The following LRP1B variants were observed in gnomAD, a reference collection of about 807,000 sequenced individuals.
LRP1B encodes the protein LDL receptor related protein 1B.
LRP1B carries 217 observed loss-of-function variants against 556.6 expected under a neutral mutation model. The observed-to-expected ratio is 0.39, with a 90% CI of 0.35 to 0.44. The LOEUF (loss-of-function observed/expected upper bound fraction) is 0.44, where lower values mean the gene tolerates loss of function less well. Among genes scored for constraint, LRP1B ranks in the 20% least tolerant of loss-of-function variants. The pLI is 1.00. For missense variants in LRP1B, 5,053 were observed against 5,620.8 expected (o/e 0.90, Z 3.23); for synonymous variants, 2,047 against 1,865.8 (o/e 1.10, Z -2.50).
chr2:140,853,220 C>A (rs1559157292), intron 27 of LRP1B, among the ~76,000 whole-genome samples: 1 of 152,032 alleles, frequency 6.6e-6, no homozygotes, highest in Non-Finnish European at 1.5e-5. Flanking sequence ...CTTCCTAAGC[C>A]CTGAGGAAAG....
intron 1 of LRP1B, among the ~76,000 whole-genome samples, chr2:141,912,637 A>T (rs528819619): frequency 6.6e-6 from 1 of 152,186 alleles, no homozygotes; most frequent in African/African-American, 2.4e-5. Flanking sequence ...TGGTATATTG[A>T]CTATTTTGAG....
At chr2:141,162,001 T>G (rs1344739404) in intron 7 of LRP1B, among the ~76,000 whole-genome samples, 2 of 152,024 alleles carry the variant, frequency 1.3e-5, no homozygotes, top group African/African-American at 4.8e-5. Context: ...AAATCTCAGA[T>G]GAAAGGGGTG....
At chr2:140,541,127 T>C in intron 44 of LRP1B, 29 bp from the exon 45 acceptor site, 1 of 1,565,616 alleles carries the variant, frequency 6.4e-7, no homozygotes, top group Non-Finnish European at 8.8e-7. Context: ...ATTGGTAACA[T>C]TTTATATCGA....
At chr2:142,112,591 T>A (rs1182740292) in intron 1 of LRP1B, among the ~76,000 whole-genome samples, 1 of 152,136 alleles carries the variant, frequency 6.6e-6, no homozygotes, top group East Asian at 1.9e-4. Flanking sequence ...GGCATTGCTC[T>A]GTGATTTTCC....
chr2:142,130,042 C>T (rs1204912213), intron 1 of LRP1B, among the ~76,000 whole-genome samples: 2 of 152,078 alleles, frequency 1.3e-5, no homozygotes, highest in South Asian at 2.1e-4. Flanking sequence ...CACAGACCCT[C>T]ATAATCGAAA....
chr2:140,457,696 G>GA, intron 60 of LRP1B, 45 bp from the exon 61 acceptor site: 2 of 1,490,152 alleles, frequency 1.3e-6, no homozygotes, highest in Non-Finnish European at 1.9e-6. Flanking sequence ...TTGGAAGACT[G>GA]CCAGTTAAAA....
At chr2:141,191,139 C>G (rs1445575762) in intron 6 of LRP1B, among the ~76,000 whole-genome samples, 1 of 151,972 alleles carries the variant, frequency 6.6e-6, no homozygotes, top group Non-Finnish European at 1.5e-5. Context: ...ACTTTCTACT[C>G]TTCATCATAC....
chr2:141,484,229 C>T (rs2105097690), intron 2 of LRP1B, among the ~76,000 whole-genome samples: 1 of 146,006 alleles, frequency 6.8e-6, no homozygotes, highest in South Asian at 2.3e-4. Flanking sequence ...AATCCTTTCC[C>T]CATTGCTTGT....
intron 43 of LRP1B, among the ~76,000 whole-genome samples, chr2:140,567,981 T>C (rs1224871530): frequency 6.6e-6 from 1 of 152,126 alleles, no homozygotes; most frequent in Non-Finnish European, 1.5e-5. Context: ...GATAAACATC[T>C]TTCTCTGTAA....
At chr2:140,552,375 TA>T (rs1277090353) in intron 43 of LRP1B, among the ~76,000 whole-genome samples, 1 of 152,132 alleles carries the variant, frequency 6.6e-6, no homozygotes, top group Non-Finnish European at 1.5e-5. Context: ...TTATTAACTT[TA>T]ACACTAAGTC....
At chr2:141,498,366 T>TC (rs1683593543) in intron 2 of LRP1B, among the ~76,000 whole-genome samples, 1 of 151,318 alleles carries the variant, frequency 6.6e-6, no homozygotes, top group South Asian at 2.1e-4. Flanking sequence ...CTTTTTTTTT[T>TC]TTTTCTTTTT....
intron 1 of LRP1B, among the ~76,000 whole-genome samples, chr2:141,855,940 T>C (rs527814300): frequency 4.9e-4 from 74 of 152,300 alleles, no homozygotes; most frequent in African/African-American, 1.7e-3. Context: ...CATATTTTAA[T>C]GTAAAATAAA....
At chr2:141,123,937 C>T (rs1701130860) in intron 7 of LRP1B, among the ~76,000 whole-genome samples, 1 of 151,832 alleles carries the variant, frequency 6.6e-6, no homozygotes, top group South Asian at 2.1e-4. Context: ...GGGATTAGTT[C>T]TATAAGTGAT....
intron 21 of LRP1B, among the ~76,000 whole-genome samples, chr2:140,911,671 T>C (rs1179174313): frequency 6.6e-6 from 1 of 151,794 alleles, no homozygotes; most frequent in Non-Finnish European, 1.5e-5. Flanking sequence ...TAGTCTAAAA[T>C]ATGACATTCT....
chr2:140,954,070 C>A (rs1558761169), intron 18 of LRP1B, among the ~76,000 whole-genome samples: 1 of 152,162 alleles, frequency 6.6e-6, no homozygotes, highest in Non-Finnish European at 1.5e-5. Context: ...AAATGTGTCT[C>A]TAAATATTTC....
intron 89 of LRP1B, among the ~76,000 whole-genome samples, chr2:140,235,953 T>C (rs2104876887): frequency 6.6e-6 from 1 of 151,160 alleles, no homozygotes; most frequent in East Asian, 2.0e-4. Flanking sequence ...ATAGATATAA[T>C]AGATTATCAA....
At chr2:142,042,967 T>C (rs1704115521) in intron 1 of LRP1B, among the ~76,000 whole-genome samples, 1 of 151,626 alleles carries the variant, frequency 6.6e-6, no homozygotes, top group South Asian at 2.1e-4. Flanking sequence ...AATTGATACA[T>C]TTATATCAAC....
chr2:140,490,685 A>G (rs1291813948), intron 57 of LRP1B, among the ~76,000 whole-genome samples: 6 of 152,124 alleles, frequency 3.9e-5, no homozygotes, highest in African/African-American at 1.2e-4. Flanking sequence ...TTTCTATAAC[A>G]CTGTGATGAA....
chr2:141,385,859 G>C (rs1239908067), intron 3 of LRP1B, among the ~76,000 whole-genome samples: 5 of 152,086 alleles, frequency 3.3e-5, no homozygotes, highest in Non-Finnish European at 7.4e-5. Flanking sequence ...AGGTCATACT[G>C]GTGCTACTAG....
Sources: gnomAD v4.1 joint callset for allele counts (sites outside exome capture counted in the v4.1 genomes callset) on GRCh38, gnomAD v4.1.1 for gene constraint, MANE v1.5 for transcripts, NCBI Gene and HGNC (gene_info 2026-07-23, HGNC 2026-07-21) for gene names.